The following CNOT1 variants were observed in gnomAD, a reference collection of about 807,000 sequenced individuals.
CNOT1 encodes the protein CCR4-associated factor 1.
In CNOT1, 15 loss-of-function variants were observed where a neutral mutation model predicts 273.8. The observed-to-expected ratio is 0.05, with a 90% CI of 0.04 to 0.08. The LOEUF is 0.08. CNOT1 is among the 10% of genes least tolerant of loss of function. The pLI is 1.00. For missense variants in CNOT1, 1,644 were observed against 2,912.2 expected (o/e 0.56, Z 10.02); for synonymous variants, 1,022 against 1,005.5 (o/e 1.02, Z -0.31).
At chr16:58,625,868 A>AAC (rs2043555745) in intron 1 of CNOT1, among the ~76,000 whole-genome samples, 1 of 151,466 alleles carries the variant, frequency 6.6e-6, no homozygotes, top group East Asian at 1.9e-4. Context: ...AAAAAAAAAA[A>AAC]AAAAAAAAAC....
intron 47 of CNOT1, among the ~76,000 whole-genome samples, chr16:58,521,899 C>T (rs144374945): frequency 3.3e-5 from 5 of 152,002 alleles, no homozygotes; most frequent in African/African-American, 1.2e-4. Context: ...TGTGGTGAGC[C>T]GAGATGGTGC....
Position 58,524,769 on chromosome 16 carries a change from G to GT in CNOT1, c.6784+409_6784+410insA, listed in dbSNP as rs542997146. On this transcript the variant is annotated intron_variant, in intron 46 of 48. Coordinates refer to ENST00000317147, the MANE Select transcript of CNOT1 (RefSeq NM_016284.5). The stretch of plus-strand genomic sequence containing the variant: ...GGAGTTATACTGTGAGCTTTTTGCA[G>GT]AACAGGAGAGTCCTATTCATTAATC... Among the ~76,000 whole-genome samples the GT allele has an allele frequency of 1.4e-4, 21 of 152,284 alleles. No individual in the cohort carries two copies. The East Asian group carries it at 3.7e-3, about 27-fold the overall frequency.
intron 27 of CNOT1, among the ~76,000 whole-genome samples, 153 bp from the exon 28 acceptor site, chr16:58,546,902 ATAGT>A (rs1396372707): frequency 1.3e-5 from 2 of 152,364 alleles, no homozygotes; most frequent in Non-Finnish European, 2.9e-5. Context: ...ACAGTTAAAC[ATAGT>A]TAAACACTTA....
At position 58,530,235 on chromosome 16, in the gene CNOT1, A is replaced by G; in HGVS notation, c.6279+11T>C. On this transcript the variant is annotated intron_variant, in intron 43 of 48. Coordinates refer to ENST00000317147, the MANE Select transcript of CNOT1 (RefSeq NM_016284.5). ...AGTTATTTTAATTTATAATAAATCC[A>G]AGTTAATTACCTTGTAGAGGATTTG... The G allele has an allele frequency of 6.4e-7, 1 of 1,566,748 alleles. No homozygotes were observed. Among genetic ancestry groups the G allele is most frequent in the Non-Finnish European group, 8.7e-7 (1 of 1,147,202 alleles).
In CNOT1 at chr16:58,541,498, T is replaced by C. The variant is rs562779344; in HGVS notation, c.4800+3A>G. 1.1e-5 allele frequency: 18 copies of C among 1,612,682 alleles called. No individual in the cohort carries two copies. The African/African-American group carries it at 2.4e-4, about 22-fold the overall frequency. On this transcript the variant is annotated splice_donor_region_variant and intron_variant, in intron 34 of 48. Transcript: ENST00000317147. ...CACTCAATTTAATCTAAAACACATT[T>C]ACCTTCATGGGCTGGGCTAAAAATC...
rs767938983 is a variant in CNOT1, at chr16:58,569,199, T to C, written c.1979+5410A>G. 3.1e-4 allele frequency among the ~76,000 whole-genome samples: 47 copies of C among 152,296 alleles called. 1 individual carries two copies. The highest frequency in any genetic ancestry group is 7.7e-4 in the East Asian group (4 of 5,180). ...GTGCAGTGGCACAAACTCGGCTCAG[T>C]GTACCTTCCATCTCCTGGGTTCAAG... On this transcript the variant is annotated intron_variant, in intron 16 of 48. Transcript: ENST00000317147.
intron 1 of CNOT1, among the ~76,000 whole-genome samples, chr16:58,617,645 T>G (rs1468203546): frequency 6.6e-6 from 1 of 152,192 alleles, no homozygotes; most frequent in African/African-American, 2.4e-5. Flanking sequence ...ATGCCAACAG[T>G]GCCCTTGTTG....
At chr16:58,579,205 G>T (rs769039386) in intron 12 of CNOT1, among the ~76,000 whole-genome samples, 10 of 152,156 alleles carry the variant, frequency 6.6e-5, no homozygotes, top group Non-Finnish European at 1.5e-4. Context: ...AACACCATGA[G>T]AAAACAGGTA....
In CNOT1 at chr16:58,530,234, C is replaced by A; in HGVS notation, c.6279+12G>T. 1 of 1,560,044 alleles carries A rather than the reference C, an allele frequency of 6.4e-7. No individual in the cohort carries two copies. Among genetic ancestry groups the A allele is most frequent in the Non-Finnish European group, 8.7e-7 (1 of 1,142,932 alleles). On this transcript the variant is annotated intron_variant, in intron 43 of 48. Transcript: ENST00000317147. ...CAGTTATTTTAATTTATAATAAATC[C>A]AAGTTAATTACCTTGTAGAGGATTT...
chr16:58,610,068 A>G (rs2042838071), intron 1 of CNOT1, among the ~76,000 whole-genome samples: 1 of 152,204 alleles, frequency 6.6e-6, no homozygotes, highest in African/African-American at 2.4e-5. Flanking sequence ...CTATAACACT[A>G]TGCAACTAAG....
intron 28 of CNOT1, 74 bp from the exon 29 acceptor site, chr16:58,546,572 A>G (rs2040261626): frequency 1.2e-6 from 2 of 1,603,952 alleles, no homozygotes; most frequent in Admixed American, 1.7e-5. Context: ...CTCTACTTTC[A>G]GTTATTATAG....
In CNOT1 at chr16:58,546,363, C is replaced by A; in HGVS notation, c.3964G>T (p.Asp1322Tyr). Residue 1322 changes from aspartate to tyrosine, a missense_variant, in exon 29 of 49, where the codon GAT becomes TAT. Asp to Tyr is a radical substitution (Grantham distance 160, BLOSUM62 -3). Around this residue, in one of 13 missense-constraint regions of CNOT1, gnomAD observed 52 missense variants for 50.2 expected, o/e 1.04. Transcript: ENST00000317147. ...GGGAGTTCTTCTGGCTGCTTGACAT[C>A]TTTCTTTGGAGCAGAGAGTTGCTCA... ...LDEQLSAPKK[D>Y]VKQPEELPPI... 6.2e-7 allele frequency: 1 copy of A among 1,613,876 alleles called. No individual in the cohort carries two copies. The highest frequency in any genetic ancestry group is 8.5e-7 in the Non-Finnish European group (1 of 1,179,904).
At chr16:58,563,883 TA>T (rs2040945891) in intron 16 of CNOT1, among the ~76,000 whole-genome samples, 1 of 152,230 alleles carries the variant, frequency 6.6e-6, no homozygotes, top group African/African-American at 2.4e-5. Flanking sequence ...GTAGTCCAAT[TA>T]TACATTGGTA....
At chr16:58,545,614 G>GCACC in intron 29 of CNOT1, 123 bp from the exon 30 acceptor site, 19 of 1,170,872 alleles carry the variant, frequency 1.6e-5, no homozygotes, top group South Asian at 1.8e-5. Context: ...GAGGAGGGAA[G>GCACC]GATGTAGCAG....
chr16:58,528,323 A>T lies in CNOT1; in HGVS notation c.6453+152T>A, dbSNP rs747017938. 1.2e-5 allele frequency: 8 copies of T among 666,796 alleles called. No individual in the cohort carries two copies. In the South Asian group the frequency reaches 1.4e-4, roughly 11 times the overall value. 41.3% of individuals were successfully genotyped at this position (666,796 alleles called of 1,614,324 possible). On this transcript the variant is annotated intron_variant, in intron 44 of 48. Coordinates refer to ENST00000317147, the MANE Select transcript of CNOT1 (RefSeq NM_016284.5). The stretch of plus-strand genomic sequence containing the variant: ...CAATAGCAACAATATCATACCTTCT[A>T]TCAGGCTTAATAACATTATTTCCTT...
chr16:58,622,220 A>G (rs1449078748), intron 1 of CNOT1, among the ~76,000 whole-genome samples: 8 of 151,074 alleles, frequency 5.3e-5, no homozygotes, highest in Non-Finnish European at 8.8e-5. Context: ...ATGCTGAGGC[A>G]GGAGAATGGC....
Position 58,562,346 on chromosome 16 carries a change from T to C in CNOT1, c.1980-1984A>G, listed in dbSNP as rs1368422828. Among the ~76,000 whole-genome samples, 3 of 150,176 alleles carry C rather than the reference T, an allele frequency of 2.0e-5. No homozygotes were observed. The East Asian group carries it at 6.0e-4, about 30-fold the overall frequency. The stretch of plus-strand genomic sequence containing the variant: ...GCCAAGACTTCATCTCTACAAAAAA[T>C]TTTAAAAATTAGCCAGGTGTGGTGG... On this transcript the variant is annotated intron_variant, in intron 16 of 48. Transcript: ENST00000317147.
chr16:58,524,817 GA>G (rs2039530983), intron 46 of CNOT1, among the ~76,000 whole-genome samples: 1 of 152,140 alleles, frequency 6.6e-6, no homozygotes, highest in Non-Finnish European at 1.5e-5. Context: ...CATTTAACAA[GA>G]TGCCTGCCAA....
rs2040289981 is a variant in CNOT1, at chr16:58,547,354, A to G, written c.3640-58T>C. The G allele has an allele frequency of 6.3e-7, 1 of 1,592,892 alleles. No individual in the cohort carries two copies. Among genetic ancestry groups the G allele is most frequent in the African/African-American group, 1.4e-5 (1 of 73,920 alleles). ...AATATACCCCCCAAAATGGTATAAC[A>G]AAACCAAAGAAAAGTATTTTGCCAA... On this transcript the variant is annotated intron_variant, in intron 26 of 48. Coordinates refer to ENST00000317147, the MANE Select transcript of CNOT1 (RefSeq NM_016284.5). The surrounding 1 kb of genome is among the most constrained non-coding windows in gnomAD (Gnocchi z 4.0).
Sources: gnomAD v4.1 joint callset for allele counts (sites outside exome capture counted in the v4.1 genomes callset) on GRCh38, gnomAD v4.1.1 for gene constraint, gnomAD v4.1.1 regional missense constraint, Gnocchi (gnomAD v3.1) non-coding constraint, MANE v1.5 for transcripts, NCBI Gene and HGNC (gene_info 2026-07-23, HGNC 2026-07-21) for gene names.